Variants in NWD1 observed in about 807,000 individuals in gnomAD.
NWD1 encodes NACHT and WD repeat domain containing 1.
Under a neutral mutation model 135.1 loss-of-function variants are expected in NWD1, and 129 were observed. The ratio of observed to expected loss-of-function variants is 0.96; its 90% CI spans 0.83 to 1.11. The LOEUF (loss-of-function observed/expected upper bound fraction) is 1.11. Among genes scored for constraint, NWD1 ranks in the 50% least tolerant of loss-of-function variants. The pLI, the probability that NWD1 is intolerant of heterozygous loss-of-function variation, is 0.00. For synonymous variants in NWD1, 773 were observed against 786.0 expected (o/e 0.98, Z 0.28); for missense variants, 1,740 against 1,851.3 (o/e 0.94, Z 1.10).
chr19:16,723,334 G>C (rs1231033334), intron 1 of NWD1, among the ~76,000 whole-genome samples: 1 of 152,180 alleles, frequency 6.6e-6, no homozygotes, highest in African/African-American at 2.4e-5. Flanking sequence ...GAATAGCTGG[G>C]ACTACAGGTG....
chr19:16,805,651 C>T (rs1233086940), intron 17 of NWD1, among the ~76,000 whole-genome samples: 1 of 152,034 alleles, frequency 6.6e-6, no homozygotes, highest in African/African-American at 2.4e-5. Flanking sequence ...TTCCTTGGGC[C>T]CTGGTTCACC....
intron 8 of NWD1, among the ~76,000 whole-genome samples, 197 bp downstream of exon 8, chr19:16,762,335 C>T (rs534218864): frequency 1.4e-3 from 186 of 128,464 alleles, no homozygotes; most frequent in African/African-American, 5.2e-3. Context: ...CTTACTCTGT[C>T]GCCCAGGCTG....
At chr19:16,814,036 T>A (rs1305776116) in intron 18 of NWD1, among the ~76,000 whole-genome samples, 1 of 151,846 alleles carries the variant, frequency 6.6e-6, no homozygotes, top group Non-Finnish European at 1.5e-5. Context: ...TACATGCTTG[T>A]AGTCCCAGCT....
chr19:16,722,657 T>C (rs759856482), intron 1 of NWD1, among the ~76,000 whole-genome samples: 6 of 151,900 alleles, frequency 3.9e-5, no homozygotes, highest in Non-Finnish European at 8.8e-5. Flanking sequence ...ATTAAAGCTG[T>C]AGCTCTTGAC....
chr19:16,808,039 G>C lies in NWD1; in HGVS notation c.4190G>C (p.Ser1397Thr), dbSNP rs1378013412. 6.2e-7 allele frequency: 1 copy of C among 1,614,004 alleles called. No individual in the cohort carries two copies. Among genetic ancestry groups the C allele is most frequent in the South Asian group, 1.1e-5 (1 of 91,086 alleles). Residue 1397 changes from serine to threonine, a missense_variant, in exon 18 of 19, where the codon AGC becomes ACC. Transcript: ENST00000524140. ...HRSRVACVEV[S>T]HKEQLVVSGS... ...AGCCGAGTTGCCTGTGTGGAGGTCA[G>C]CCACAAGGAGCAGCTGGTGGTCAGC...
chr19:16,780,584 T>C (rs1253919801), intron 12 of NWD1, among the ~76,000 whole-genome samples: 1 of 152,150 alleles, frequency 6.6e-6, no homozygotes, highest in African/African-American at 2.4e-5. Context: ...AGTAGGGAAA[T>C]AGGCTAAATA....
At position 16,773,179 on chromosome 19, in the gene NWD1, T is replaced by A. The variant is rs764013265; in HGVS notation, c.2464T>A (p.Ser822Thr). The change falls in exon 11 of 19, where the codon TCA becomes ACA. Residue 822 changes from serine to threonine, a missense_variant. Coordinates refer to ENST00000524140, the MANE Select transcript of NWD1 (RefSeq NM_001007525.5). ...GGCCAGACTCCATTTCTTCGCCACCTCACATCCAGCACTGGTGGGACAGCT... is the reference window on the plus strand; with the variant it reads ...GGCCAGACTCCATTTCTTCGCCACCACACATCCAGCACTGGTGGGACAGCT... ...LLARLHFFAT[S>T]HPALVGQLCQ... 1 of 1,613,780 alleles carries A rather than the reference T, an allele frequency of 6.2e-7. No homozygotes were observed. Among genetic ancestry groups the A allele is most frequent in the African/African-American group, 1.3e-5 (1 of 74,926 alleles).
intron 13 of NWD1, 85 bp downstream of exon 13, chr19:16,789,275 C>T (rs973488328): frequency 8.6e-6 from 9 of 1,050,910 alleles, no homozygotes; most frequent in African/African-American, 7.9e-5. Flanking sequence ...AAGGAGGGCT[C>T]CCTGATACAG....
chr19:16,788,764 C>A (rs193083487), intron 12 of NWD1, among the ~76,000 whole-genome samples: 12 of 152,020 alleles, frequency 7.9e-5, no homozygotes, highest in Non-Finnish European at 1.6e-4. Flanking sequence ...GGCATACAAG[C>A]GTGAGAACTC....
intron 11 of NWD1, among the ~76,000 whole-genome samples, chr19:16,776,202 C>G (rs560953210): frequency 6.6e-6 from 1 of 152,094 alleles, no homozygotes; most frequent in Non-Finnish European, 1.5e-5. Context: ...CACTGTGCCC[C>G]GCTGTACATC....
At chr19:16,790,466 G>A (rs1459295185) in intron 13 of NWD1, among the ~76,000 whole-genome samples, 2 of 151,684 alleles carry the variant, frequency 1.3e-5, no homozygotes, top group Non-Finnish European at 2.9e-5. Flanking sequence ...GAAATTCGGG[G>A]GGTAGGGGGT....
At chr19:16,772,013 A>C (rs1373256813) in intron 10 of NWD1, among the ~76,000 whole-genome samples, 1 of 152,006 alleles carries the variant, frequency 6.6e-6, no homozygotes, top group Non-Finnish European at 1.5e-5. Flanking sequence ...GGTTCACAGC[A>C]AAATTGAGTG....
chr19:16,734,395 A>G (rs954172613), intron 3 of NWD1, among the ~76,000 whole-genome samples: 6 of 151,834 alleles, frequency 4.0e-5, no homozygotes, highest in African/African-American at 1.5e-4. Context: ...AAAAAATGCA[A>G]AAAATTAGCC....
intron 12 of NWD1, among the ~76,000 whole-genome samples, chr19:16,785,220 T>A (rs990400305): frequency 6.6e-6 from 1 of 151,596 alleles, no homozygotes; most frequent in South Asian, 2.1e-4. Context: ...TTAAAATTAT[T>A]AATGTGATAG....
rs769471592 is a variant in NWD1, at chr19:16,736,641, A to T, written c.89A>T (p.Asp30Val). The part of the protein sequence containing the change: ...QRHGLMFEVV[D>V]LRWGIRNIEA... ...TGTGTTTCTATTTCCCAGGTCGTTG[A>T]TCTGAGGTGGGGTATTCGGAACATT... Residue 30 changes from aspartate (D) to valine (V), a missense_variant, in exon 4 of 19, where the codon GAT becomes GTT. Asp to Val is a radical substitution (Grantham distance 152, BLOSUM62 -3). Coordinates refer to ENST00000524140, the MANE Select transcript of NWD1 (RefSeq NM_001007525.5). 4 of 1,531,928 alleles carry T rather than the reference A, an allele frequency of 2.6e-6. No homozygotes were observed. The South Asian group carries it at 4.8e-5, about 18-fold the overall frequency. The allele number at this position is 1,531,928 out of a possible 1,614,324, so 94.9% of individuals were successfully genotyped here.
intron 6 of NWD1, among the ~76,000 whole-genome samples, chr19:16,754,601 G>A (rs550449578): frequency 7.8e-4 from 109 of 139,858 alleles, no homozygotes; most frequent in Middle Eastern, 6.3e-3. Flanking sequence ...TCCATCATCT[G>A]TCTTCCTTTT....
Position 16,815,622 on chromosome 19 carries a change from C to T in NWD1, c.*583C>T, listed in dbSNP as rs1421421400. Reference sequence around the variant, plus strand: ...CCCAACAGTCCTAGCCTCAACTCTACTGGTCCCAATTGGCCCATACGCCTA... The same window carrying T: ...CCCAACAGTCCTAGCCTCAACTCTATTGGTCCCAATTGGCCCATACGCCTA... On this transcript the variant is annotated 3_prime_UTR_variant, in exon 19 of 19. Coordinates refer to ENST00000524140, the MANE Select transcript of NWD1 (RefSeq NM_001007525.5). 1 of 354,374 alleles carries T rather than the reference C, an allele frequency of 2.8e-6. No homozygotes were observed. The highest frequency in any genetic ancestry group is 5.2e-6 in the Non-Finnish European group (1 of 193,368). The allele number at this position is 354,374 out of a possible 1,614,324, so 22.0% of individuals were successfully genotyped here. A position where few individuals can be genotyped will look rare whatever the true frequency, so the allele number is the denominator to read the frequency against.
At chr19:16,745,444 A>G (rs771048060) in intron 5 of NWD1, among the ~76,000 whole-genome samples, 1 of 151,874 alleles carries the variant, frequency 6.6e-6, no homozygotes, top group Non-Finnish European at 1.5e-5. Flanking sequence ...CTAAAATCTG[A>G]CAGGCTGAGC....
At chr19:16,725,794 C>T (rs1412583242) in intron 2 of NWD1, among the ~76,000 whole-genome samples, 3 of 151,916 alleles carry the variant, frequency 2.0e-5, no homozygotes. Context: ...CTCAAGTGAT[C>T]CATCTACCTT....
Sources: gnomAD v4.1 joint callset for allele counts (sites outside exome capture counted in the v4.1 genomes callset) on GRCh38, gnomAD v4.1.1 for gene constraint, MANE v1.5 for transcripts, NCBI Gene and HGNC (gene_info 2026-07-23, HGNC 2026-07-21) for gene names.